EDC3: variants seen among roughly 807,000 people sequenced by gnomAD.
The protein encoded by EDC3 is enhancer of mRNA-decapping protein 3.
Under a neutral mutation model 41.8 loss-of-function variants are expected in EDC3, and 20 were observed. The ratio of observed to expected loss-of-function variants is 0.48; its 90% CI spans 0.34 to 0.70. EDC3 has a LOEUF of 0.70. Among genes scored for constraint, EDC3 ranks in the 30% least tolerant of loss-of-function variants. The probability of loss-of-function intolerance (pLI) is 0.01; values close to 1 mark genes in which losing one functional copy is unlikely to be tolerated. For synonymous variants in EDC3, 206 were observed against 243.2 expected (o/e 0.85, Z 1.42); for missense variants, 444 against 636.8 (o/e 0.70, Z 3.26).
chr15:74,655,521 T>C (rs2062535610), intron 4 of EDC3, among the ~76,000 whole-genome samples: 1 of 152,108 alleles, frequency 6.6e-6, no homozygotes, highest in African/African-American at 2.4e-5. Context: ...AGATACAGGA[T>C]ATACACAGAC....
At chr15:74,664,499 T>C (rs901958153) in intron 3 of EDC3, among the ~76,000 whole-genome samples, 10 of 152,278 alleles carry the variant, frequency 6.6e-5, no homozygotes, top group Admixed American at 3.9e-4. Context: ...AAACCCATTG[T>C]TGTGTAACCC....
Position 74,671,615 on chromosome 15 carries a change from G to A in EDC3, c.324C>T (p.Ala108=). 6.2e-7 allele frequency: 1 copy of A among 1,614,166 alleles called. No homozygotes were observed. Among genetic ancestry groups the A allele is most frequent in the Non-Finnish European group, 8.5e-7 (1 of 1,180,032 alleles). The change falls in exon 3 of 7, where the codon GCC becomes GCT. Residue 108 remains alanine, a synonymous_variant. Transcript: ENST00000315127. The surrounding 1 kb of genome is among the most constrained non-coding windows in gnomAD (Gnocchi z 4.6). ...NGTGKFVKKP[A]SSSSAPQNIP... ...TATTCTGAGGGGCACTGCTGGAAGA[G>A]GCTGGCTTCTTGACAAACTTGCCTG...
chr15:74,639,929 G>C (rs1180762284), intron 5 of EDC3: 1 of 153,428 alleles, frequency 6.5e-6, no homozygotes, highest in Non-Finnish European at 1.4e-5. Context: ...GAAAGGCACA[G>C]TATTTTATTC....
intron 4 of EDC3, among the ~76,000 whole-genome samples, chr15:74,651,132 C>T (rs1183693111): frequency 6.6e-6 from 1 of 152,210 alleles, no homozygotes; most frequent in Non-Finnish European, 1.5e-5. Context: ...ACACAGAGTG[C>T]TCACACACAT....
intron 2 of EDC3, among the ~76,000 whole-genome samples, chr15:74,672,284 AAAAAG>A (rs1322269523): frequency 3.5e-5 from 5 of 143,514 alleles, no homozygotes; most frequent in Admixed American, 1.4e-4. Context: ...AAAAAAAAAA[AAAAAG>A]AGAGGCTATT....
At chr15:74,677,359 C>CG (rs2062818206) in intron 1 of EDC3, among the ~76,000 whole-genome samples, 1 of 111,324 alleles carries the variant, frequency 9.0e-6, no homozygotes, top group Non-Finnish European at 1.9e-5. Context: ...CATGCCCAGC[C>CG]TTTTTTTTTT....
chr15:74,632,467 GT>G lies in EDC3; in HGVS notation c.*144del. 9.8e-7 allele frequency: 1 copy of G among 1,018,658 alleles called. No individual in the cohort carries two copies. The highest frequency in any genetic ancestry group is 1.4e-6 in the Non-Finnish European group (1 of 712,430). 63.1% of individuals were successfully genotyped at this position (1,018,658 alleles called of 1,614,324 possible). The stretch of plus-strand genomic sequence containing the variant: ...CTGGCTAAGAGCAAGTGACAGGTCA[GT>G]TTTAAGTAAGTTCTGTTCTCTCACA... On this transcript the variant is annotated 3_prime_UTR_variant, in exon 7 of 7. Transcript: ENST00000315127. The surrounding 1 kb of genome is among the most constrained non-coding windows in gnomAD (Gnocchi z 4.0).
intron 2 of EDC3, among the ~76,000 whole-genome samples, chr15:74,673,380 G>A (rs2062762407): frequency 6.6e-6 from 1 of 152,180 alleles, no homozygotes; most frequent in Non-Finnish European, 1.5e-5. Flanking sequence ...GGGGAAAGGT[G>A]TTATTAGTCA....
chr15:74,652,430 G>A lies in EDC3; in HGVS notation c.820+3303C>T, dbSNP rs535699391. Reference sequence around the variant, plus strand: ...TTTTTAGTAGAGACGGGGTTTCACCGTGTTAGCCAGGATGGTCTCCATCTC... The same window carrying A: ...TTTTTAGTAGAGACGGGGTTTCACCATGTTAGCCAGGATGGTCTCCATCTC... On this transcript the variant is annotated intron_variant, in intron 4 of 6. Coordinates refer to ENST00000315127, the MANE Select transcript of EDC3 (RefSeq NM_025083.5). Among the ~76,000 whole-genome samples the A allele has an allele frequency of 5.3e-5, 8 of 151,946 alleles. No individual in the cohort carries two copies. In the South Asian group the frequency reaches 1.0e-3, roughly 20 times the overall value.
At chr15:74,680,260 C>CAA (rs34873831) in intron 1 of EDC3, among the ~76,000 whole-genome samples, 1 of 64,278 alleles carries the variant, frequency 1.6e-5, no homozygotes. Context: ...GACTCCATCT[C>CAA]AAAAAAAAAA....
intron 3 of EDC3, among the ~76,000 whole-genome samples, chr15:74,670,677 G>A (rs969568041): frequency 6.6e-6 from 1 of 152,136 alleles, no homozygotes; most frequent in Non-Finnish European, 1.5e-5. Context: ...TGATCTGCCC[G>A]CCTCAGCCTC....
chr15:74,635,000 G>C, intron 6 of EDC3: 2 of 452,690 alleles, frequency 4.4e-6, no homozygotes, highest in South Asian at 3.2e-5. Flanking sequence ...TCTCCACCCA[G>C]TCCTCCAACA....
chr15:74,675,192 T>C lies in EDC3; in HGVS notation c.-18-50A>G, dbSNP rs1241386061. On this transcript the variant is annotated intron_variant, in intron 1 of 6. Transcript: ENST00000315127. ...TGTGCCTTGGTGAAAAGACAAACTT[T>C]TAATTAAATTCAGCAAATATATCAG... is the stretch of plus-strand genomic sequence containing the variant. The C allele has an allele frequency of 3.2e-6, 5 of 1,559,130 alleles. No homozygotes were observed. The African/African-American group carries it at 6.8e-5, about 21-fold the overall frequency.
At chr15:74,684,084 GTTTTTTT>G (rs58548595) in intron 1 of EDC3, among the ~76,000 whole-genome samples, 3 of 103,046 alleles carry the variant, frequency 2.9e-5, no homozygotes, top group South Asian at 3.2e-4. Context: ...TTTTGTTTCT[GTTTTTTT>G]TTTTTTTTTT....
chr15:74,640,278 G>A (rs1358717016), intron 5 of EDC3, 188 bp downstream of exon 5: 5 of 617,320 alleles, frequency 8.1e-6, no homozygotes, highest in Middle Eastern at 8.7e-4. Flanking sequence ...AGGACATCTA[G>A]GAGATGGGTC....
At chr15:74,674,938 G>T (rs2062785101) in intron 2 of EDC3, 23 bp downstream of exon 2, 12 of 1,613,386 alleles carry the variant, frequency 7.4e-6, no homozygotes, top group Non-Finnish European at 1.0e-5. Flanking sequence ...GTTGGATTCA[G>T]AAGAGTCAGT....
intron 3 of EDC3, among the ~76,000 whole-genome samples, chr15:74,670,733 A>G (rs2062729551): frequency 6.6e-6 from 1 of 152,210 alleles, no homozygotes; most frequent in Non-Finnish European, 1.5e-5. Context: ...CCTGGTCACA[A>G]CTATGGTTTT....
intron 5 of EDC3, chr15:74,639,232 A>T (rs1414808819): frequency 1.3e-5 from 2 of 152,032 alleles, no homozygotes; most frequent in Non-Finnish European, 1.5e-5. Flanking sequence ...GCTAAAAATC[A>T]TCTTTTTAAA....
At chr15:74,678,725 A>G (rs1233586848) in intron 1 of EDC3, among the ~76,000 whole-genome samples, 1 of 151,850 alleles carries the variant, frequency 6.6e-6, no homozygotes, top group African/African-American at 2.4e-5. Context: ...CCCTGCCTCT[A>G]CTAAAAATAC....
Sources: allele counts gnomAD v4.1 joint callset (sites outside exome capture counted in the v4.1 genomes callset), GRCh38; gene constraint gnomAD v4.1.1; non-coding constraint Gnocchi (gnomAD v3.1); transcripts MANE v1.5; gene names NCBI Gene and HGNC (gene_info 2026-07-23, HGNC 2026-07-21).